VWA8: variants seen among roughly 807,000 people sequenced by gnomAD.
The protein encoded by VWA8 is von Willebrand factor A domain containing 8, also known as von Willebrand factor A domain-containing protein 8.
A neutral mutation model predicts 241.5 loss-of-function variants in VWA8; 221 were observed. The observed-to-expected ratio is 0.91, with a 90% CI of 0.82 to 1.02. The LOEUF (loss-of-function observed/expected upper bound fraction) is 1.02, where lower values mean the gene tolerates loss of function less well. Among genes scored for constraint, VWA8 ranks in the 50% least tolerant of loss-of-function variants. The pLI is 0.00. For synonymous variants in VWA8, 852 were observed against 827.1 expected (o/e 1.03, Z -0.52); for missense variants, 2,322 against 2,328.7 (o/e 1.00, Z 0.06).
intron 4 of VWA8, among the ~76,000 whole-genome samples, chr13:41,898,534 C>G (rs1007950422): frequency 6.6e-6 from 1 of 152,256 alleles, no homozygotes; most frequent in Non-Finnish European, 1.5e-5. Flanking sequence ...GATCCCGCAC[C>G]AGGGCTGCAG....
chr13:41,790,388 C>T (rs1244471707), intron 17 of VWA8, among the ~76,000 whole-genome samples: 2 of 151,940 alleles, frequency 1.3e-5, no homozygotes, highest in African/African-American at 2.4e-5. Flanking sequence ...ACTCACTTTG[C>T]TTATTTATTT....
At chr13:41,758,638 T>A (rs1220654321) in intron 21 of VWA8, among the ~76,000 whole-genome samples, 1 of 150,568 alleles carries the variant, frequency 6.6e-6, no homozygotes, top group East Asian at 1.9e-4. Flanking sequence ...TACACATTCA[T>A]GCAATTGTGT....
intron 24 of VWA8, among the ~76,000 whole-genome samples, chr13:41,723,532 C>T (rs2045409074): frequency 6.6e-6 from 1 of 151,930 alleles, no homozygotes. Flanking sequence ...AGGTAAGAGA[C>T]GATGGTGGCT....
chr13:41,817,766 A>C (rs1174346729), intron 15 of VWA8, among the ~76,000 whole-genome samples: 1 of 152,222 alleles, frequency 6.6e-6, no homozygotes, highest in Non-Finnish European at 1.5e-5. Flanking sequence ...CATGCTTACA[A>C]GACCTACAAT....
intron 12 of VWA8, among the ~76,000 whole-genome samples, chr13:41,854,224 A>C (rs1220037284): frequency 6.6e-6 from 1 of 152,176 alleles, no homozygotes; most frequent in African/African-American, 2.4e-5. Context: ...CATTTCTGTC[A>C]GTACCTTTGG....
intron 5 of VWA8, among the ~76,000 whole-genome samples, chr13:41,890,415 A>G (rs1192125464): frequency 6.6e-6 from 1 of 152,246 alleles, no homozygotes; most frequent in African/African-American, 2.4e-5. Context: ...GGTTAGCCAC[A>G]GAGAGATCCA....
chr13:41,587,543 T>C lies in VWA8; in HGVS notation c.5240A>G (p.Glu1747Gly), dbSNP rs2044426840. Residue 1747 changes from glutamate to glycine, a missense_variant, in exon 42 of 45, where the codon GAA (glutamate) becomes GGA (glycine). Glu to Gly is a moderately conservative substitution (Grantham distance 98). Transcript: ENST00000379310. ...CTTCTCCTCATAGTTCTCGAAGGCT[T>C]CCATGACCATACACACAGCCTCCAT... is the stretch of plus-strand genomic sequence containing the variant. ...RTMEAVCMVM[E>G]AFENYEEKFQ... The C allele has an allele frequency of 3.1e-6, 5 of 1,614,180 alleles. No individual in the cohort carries two copies. Among genetic ancestry groups the C allele is most frequent in the Non-Finnish European group, 2.5e-6 (3 of 1,180,032 alleles).
At chr13:41,800,465 T>G (rs1869898162) in intron 17 of VWA8, among the ~76,000 whole-genome samples, 1 of 152,138 alleles carries the variant, frequency 6.6e-6, no homozygotes, top group Non-Finnish European at 1.5e-5. Context: ...TATCACTAGC[T>G]TTTCTATGGC....
intron 24 of VWA8, 46 bp downstream of exon 24, chr13:41,727,148 T>A (rs1486563101): frequency 7.1e-7 from 1 of 1,410,148 alleles, no homozygotes; most frequent in South Asian, 1.3e-5. Context: ...GTTACTAATA[T>A]TATTATTACT....
In VWA8 at chr13:41,576,961, C is replaced by T. The variant is rs550645291; in HGVS notation, c.5272-1123G>A. Among the ~76,000 whole-genome samples the T allele has an allele frequency of 8.3e-4, 126 of 152,364 alleles. 1 individual carries two copies. Among genetic ancestry groups the T allele is most frequent in the Middle Eastern group, 3.4e-3 (1 of 294 alleles). On this transcript the variant is annotated intron_variant, in intron 42 of 44. Coordinates refer to ENST00000379310, the MANE Select transcript of VWA8 (RefSeq NM_015058.2). ...CCCAGTGCTGACATCCACACTCCAT[C>T]GCTCCATCATAAACAACAGTTACCC...
chr13:41,671,592 G>C (rs2045024710), intron 36 of VWA8, among the ~76,000 whole-genome samples: 1 of 151,812 alleles, frequency 6.6e-6, no homozygotes. Context: ...CCCCCAATAT[G>C]ATAGTATTAG....
intron 2 of VWA8, among the ~76,000 whole-genome samples, chr13:41,920,319 T>A (rs1397827708): frequency 6.6e-6 from 1 of 151,988 alleles, no homozygotes; most frequent in East Asian, 1.9e-4. Flanking sequence ...CACACTGCCC[T>A]CCATGGTCAG....
intron 2 of VWA8, among the ~76,000 whole-genome samples, chr13:41,939,572 A>G (rs555932592): frequency 4.6e-5 from 7 of 152,204 alleles, no homozygotes; most frequent in Non-Finnish European, 7.4e-5. Flanking sequence ...GCTGTGCCCA[A>G]TGCTGTGCCC....
intron 37 of VWA8, among the ~76,000 whole-genome samples, chr13:41,619,709 C>T (rs2044644517): frequency 6.6e-6 from 1 of 152,144 alleles, no homozygotes. Flanking sequence ...AAGGCCTTTT[C>T]TGCATCTATT....
chr13:41,799,916 C>A (rs1869871638), intron 17 of VWA8, among the ~76,000 whole-genome samples: 1 of 152,076 alleles, frequency 6.6e-6, no homozygotes, highest in Admixed American at 6.6e-5. Context: ...TCCCCCGTAC[C>A]CACTAGCAGT....
At chr13:41,882,396 C>A (rs554086224) in intron 9 of VWA8, among the ~76,000 whole-genome samples, 1 of 151,978 alleles carries the variant, frequency 6.6e-6, no homozygotes, top group Non-Finnish European at 1.5e-5. Flanking sequence ...ACTTCCCAGA[C>A]GGGGTGGCGG....
chr13:41,941,763 T>C (rs9590649), intron 2 of VWA8, among the ~76,000 whole-genome samples: 36,451 of 152,112 alleles, frequency 0.24, 5,191 homozygotes, highest in Non-Finnish European at 0.31. Context: ...ACATTTCATA[T>C]ATGCTATTTG....
intron 2 of VWA8, among the ~76,000 whole-genome samples, chr13:41,915,567 C>G (rs180760141): frequency 7.1e-4 from 108 of 152,310 alleles, no homozygotes; most frequent in Admixed American, 1.3e-3. Context: ...TATTTTTTCT[C>G]AAGGCCTCTG....
chr13:41,856,851 AAAAG>A (rs1566483220), intron 12 of VWA8, among the ~76,000 whole-genome samples: 3 of 151,832 alleles, frequency 2.0e-5, no homozygotes, highest in East Asian at 1.9e-4. Flanking sequence ...AAAAAAAAAA[AAAAG>A]AAAGAAACTT....
Sources: allele counts gnomAD v4.1 joint callset (sites outside exome capture counted in the v4.1 genomes callset), GRCh38; gene constraint gnomAD v4.1.1; transcripts MANE v1.5; gene names NCBI Gene and HGNC (gene_info 2026-07-23, HGNC 2026-07-21).